Variants in GRID2 observed in about 807,000 individuals in gnomAD.
GRID2 encodes the protein glutamate receptor ionotropic, delta-2.
Under a neutral mutation model 114.8 loss-of-function variants are expected in GRID2, and 33 were observed. The ratio of observed to expected loss-of-function variants is 0.29; its 90% CI spans 0.22 to 0.38. The LOEUF (loss-of-function observed/expected upper bound fraction) is 0.38, where lower values mean the gene tolerates loss of function less well. Ranked by LOEUF, GRID2 falls within the 10% of genes least tolerant of loss-of-function variation. GRID2 has a pLI of 1.00. For synonymous variants in GRID2, 505 were observed against 449.9 expected (o/e 1.12, Z -1.55); for missense variants, 1,184 against 1,257.7 (o/e 0.94, Z 0.89).
chr4:93,590,986 T>C (rs1355111679), intron 13 of GRID2, among the ~76,000 whole-genome samples: 1 of 151,690 alleles, frequency 6.6e-6, no homozygotes, highest in African/African-American at 2.4e-5. Flanking sequence ...AGATATACAA[T>C]CATGTCATCT....
chr4:93,274,530 C>T (rs1751839686), intron 8 of GRID2, among the ~76,000 whole-genome samples: 2 of 152,084 alleles, frequency 1.3e-5, no homozygotes, highest in South Asian at 4.1e-4. Flanking sequence ...GTGGGTAATT[C>T]ATGAATTTCA....
intron 14 of GRID2, among the ~76,000 whole-genome samples, chr4:93,635,650 G>A (rs1401189913): frequency 1.3e-5 from 2 of 151,852 alleles, no homozygotes; most frequent in African/African-American, 4.8e-5. Flanking sequence ...GTAAGCTTTT[G>A]TCTATCATTC....
intron 1 of GRID2, among the ~76,000 whole-genome samples, chr4:92,524,159 G>C (rs1057145499): frequency 6.6e-6 from 1 of 151,980 alleles, no homozygotes; most frequent in Admixed American, 6.6e-5. Context: ...GTAAACAAGG[G>C]TTGAGTACAA....
chr4:93,806,071 T>C (rs1483863925), intron 1 of GRID2, among the ~76,000 whole-genome samples: 1 of 151,920 alleles, frequency 6.6e-6, no homozygotes, highest in Non-Finnish European at 1.5e-5. Flanking sequence ...CACTCCCGCC[T>C]GGGCAAGAAA....
At chr4:93,664,523 T>C (rs1465548510) in intron 14 of GRID2, among the ~76,000 whole-genome samples, 2 of 152,160 alleles carry the variant, frequency 1.3e-5, no homozygotes, top group Non-Finnish European at 2.9e-5. Flanking sequence ...TTTGCTAACA[T>C]GTTGGATGTG....
In GRID2 at chr4:93,128,049, A is replaced by C. The variant is rs1273598998; in HGVS notation, c.735+17096A>C. Among the ~76,000 whole-genome samples, 894 of 144,982 alleles carry C rather than the reference A, an allele frequency of 6.2e-3. 18 individuals are homozygous for C. The highest frequency in any genetic ancestry group is 0.022 in the African/African-American group (839 of 37,934). On this transcript the variant is annotated intron_variant, in intron 4 of 15. Transcript: ENST00000282020. ...CAACAAAAAAAAAAAAAAAAAAAAA[A>C]AAAAAAAAAACAACAGTACGTGCTA...
intron 13 of GRID2, among the ~76,000 whole-genome samples, chr4:93,574,368 G>A (rs551533769): frequency 6.6e-6 from 1 of 152,252 alleles, no homozygotes; most frequent in African/African-American, 2.4e-5. Context: ...TTATTAAAAT[G>A]GCTGTGGAAT....
intron 1 of GRID2, among the ~76,000 whole-genome samples, chr4:92,390,409 A>G (rs1240466641): frequency 6.6e-6 from 1 of 152,154 alleles, no homozygotes. Context: ...ATATAGAAAT[A>G]TAGAATTTAA....
At chr4:93,394,445 T>C (rs910948941) in intron 8 of GRID2, among the ~76,000 whole-genome samples, 1 of 151,886 alleles carries the variant, frequency 6.6e-6, no homozygotes, top group Admixed American at 6.6e-5. Context: ...TAAACACCTT[T>C]TGGGGAGCTT....
chr4:93,723,397 C>G (rs939813054), intron 14 of GRID2, among the ~76,000 whole-genome samples: 37 of 152,144 alleles, frequency 2.4e-4, no homozygotes, highest in African/African-American at 7.5e-4. Flanking sequence ...TTTACAGACA[C>G]AGGCAAATCA....
At chr4:93,481,249 T>C (rs1369827082) in intron 11 of GRID2, among the ~76,000 whole-genome samples, 1 of 152,030 alleles carries the variant, frequency 6.6e-6, no homozygotes, top group Non-Finnish European at 1.5e-5. Flanking sequence ...TGAAAAGCAT[T>C]TGTGCAGAAG....
intron 2 of GRID2, among the ~76,000 whole-genome samples, chr4:92,925,422 GC>G (rs777283696): frequency 3.3e-5 from 5 of 151,944 alleles, no homozygotes; most frequent in Non-Finnish European, 7.4e-5. Context: ...AAAAAGAAAA[GC>G]CCTGAAGTAA....
At chr4:92,692,507 CATCT>C (rs887010320) in intron 2 of GRID2, among the ~76,000 whole-genome samples, 1 of 152,102 alleles carries the variant, frequency 6.6e-6, no homozygotes, top group African/African-American at 2.4e-5. Flanking sequence ...CTTTAAGATC[CATCT>C]AAGTATACTT....
At chr4:93,008,732 C>A (rs1427800280) in intron 2 of GRID2, among the ~76,000 whole-genome samples, 1 of 152,040 alleles carries the variant, frequency 6.6e-6, no homozygotes, top group Non-Finnish European at 1.5e-5. Flanking sequence ...TGATCTTTTG[C>A]ATCGGCCATA....
At chr4:93,711,480 G>C (rs1407058835) in intron 14 of GRID2, among the ~76,000 whole-genome samples, 1 of 152,196 alleles carries the variant, frequency 6.6e-6, no homozygotes, top group African/African-American at 2.4e-5. Flanking sequence ...AGGAATTGCT[G>C]TTCTTTTGGC....
At chr4:93,023,985 A>G (rs1723642973) in intron 2 of GRID2, among the ~76,000 whole-genome samples, 1 of 151,846 alleles carries the variant, frequency 6.6e-6, no homozygotes, top group African/African-American at 2.4e-5. Flanking sequence ...CACCTAGCCC[A>G]TTGTTGAGCA....
intron 1 of GRID2, among the ~76,000 whole-genome samples, chr4:92,393,343 A>G (rs947597154): frequency 1.3e-5 from 2 of 152,126 alleles, no homozygotes; most frequent in African/African-American, 2.4e-5. Flanking sequence ...ACATATAGAT[A>G]CTCTATAGAA....
intron 8 of GRID2, among the ~76,000 whole-genome samples, chr4:93,324,109 C>T (rs1757557231): frequency 6.6e-6 from 1 of 152,132 alleles, no homozygotes. Flanking sequence ...TGAGAGAGGG[C>T]ATCCCTGTCT....
chr4:93,653,955 C>G (rs1722796461), intron 14 of GRID2, among the ~76,000 whole-genome samples: 1 of 152,112 alleles, frequency 6.6e-6, no homozygotes, highest in Admixed American at 6.5e-5. Flanking sequence ...TTTTTATTAT[C>G]CTTTTCTTCA....
Sources: allele counts gnomAD v4.1 joint callset (sites outside exome capture counted in the v4.1 genomes callset), GRCh38; gene constraint gnomAD v4.1.1; transcripts MANE v1.5; gene names NCBI Gene and HGNC (gene_info 2026-07-23, HGNC 2026-07-21).